The following ADGRB3 variants were observed in gnomAD, a reference collection of about 807,000 sequenced individuals.
ADGRB3 encodes the protein brain-specific angiogenesis inhibitor 3.
In ADGRB3, 37 loss-of-function variants were observed where a neutral mutation model predicts 193.4. The observed-to-expected ratio is 0.19, with a 90% confidence interval of 0.15 to 0.25. The LOEUF is 0.25. ADGRB3 is among the 10% of genes least tolerant of loss of function. The pLI, the probability that ADGRB3 is intolerant of heterozygous loss-of-function variation, is 1.00. For missense variants in ADGRB3, 1,637 were observed against 1,852.9 expected (o/e 0.88, Z 2.14); for synonymous variants, 690 against 644.2 (o/e 1.07, Z -1.08).
intron 24 of ADGRB3, among the ~76,000 whole-genome samples, chr6:69,337,277 A>G (rs777184514): frequency 3.3e-5 from 5 of 152,208 alleles, no homozygotes; most frequent in Non-Finnish European, 5.9e-5. Flanking sequence ...GTGATAAAGG[A>G]AACAATATAT....
chr6:69,383,855 C>G (rs1369953614), intron 31 of ADGRB3, among the ~76,000 whole-genome samples: 2 of 151,974 alleles, frequency 1.3e-5, no homozygotes, highest in Non-Finnish European at 2.9e-5. Context: ...ATATGGGGCT[C>G]TTTCTTTGCC....
chr6:69,177,356 T>A (rs529664386), intron 17 of ADGRB3, among the ~76,000 whole-genome samples: 334 of 152,208 alleles, frequency 2.2e-3, no homozygotes, highest in African/African-American at 7.3e-3. Context: ...AAAGATTTTT[T>A]TTTTTATTTT....
intron 3 of ADGRB3, among the ~76,000 whole-genome samples, chr6:68,926,738 G>A (rs1323014572): frequency 2.6e-5 from 4 of 151,652 alleles, no homozygotes; most frequent in South Asian, 2.1e-4. Flanking sequence ...AATAAGAAAC[G>A]GATATGTGTT....
In ADGRB3 at chr6:68,840,369, C is replaced by CTTTTTTTTTTTTTTTTTTTTTTT. The variant is rs752625602; in HGVS notation, c.758-90173_758-90151dup. Among the ~76,000 whole-genome samples the CTTTTTTTTTTTTTTTTTTTTTTT allele has an allele frequency of 2.9e-5, 2 of 69,426 alleles. 1 individual carries two copies. Among genetic ancestry groups the CTTTTTTTTTTTTTTTTTTTTTTT allele is most frequent in the Non-Finnish European group, 4.9e-5 (2 of 40,872 alleles). 45.5% of individuals were successfully genotyped at this position (69,426 alleles called of 152,430 possible). Reference sequence around the variant, plus strand: ...GCAGTGGAGTAAGGCACTGGGCAGTCTTTTTTTTTTTTTTTTTTTTTTTTT... The same window carrying CTTTTTTTTTTTTTTTTTTTTTTT: ...GCAGTGGAGTAAGGCACTGGGCAGTCTTTTTTTTTTTTTTTTTTTTTTTTTTTTTTTTTTTTTTTTTTTTTTTT... On this transcript the variant is annotated intron_variant, in intron 3 of 31. Transcript: ENST00000370598.
intron 17 of ADGRB3, among the ~76,000 whole-genome samples, chr6:69,088,019 A>G (rs1174852458): frequency 6.6e-6 from 1 of 152,220 alleles, no homozygotes; most frequent in Non-Finnish European, 1.5e-5. Context: ...TCAGGCATGC[A>G]AAACTGAACA....
At chr6:69,251,585 T>G (rs1260840253) in intron 20 of ADGRB3, among the ~76,000 whole-genome samples, 2 of 152,176 alleles carry the variant, frequency 1.3e-5, no homozygotes, top group Non-Finnish European at 2.9e-5. Flanking sequence ...ATTATAAGAA[T>G]CAAGTAGGAT....
chr6:68,669,494 T>C (rs1768889565), intron 3 of ADGRB3, among the ~76,000 whole-genome samples: 1 of 151,818 alleles, frequency 6.6e-6, no homozygotes, highest in South Asian at 2.1e-4. Context: ...GAACATGCCA[T>C]GTTTGTCTTT....
At chr6:69,295,156 C>A (rs1767783801) in intron 20 of ADGRB3, among the ~76,000 whole-genome samples, 1 of 152,132 alleles carries the variant, frequency 6.6e-6, no homozygotes, top group African/African-American at 2.4e-5. Flanking sequence ...TTTCAATTAT[C>A]CGTGTCAGTA....
chr6:69,264,011 C>A (rs1766981651), intron 20 of ADGRB3, among the ~76,000 whole-genome samples: 1 of 151,890 alleles, frequency 6.6e-6, no homozygotes, highest in Admixed American at 6.6e-5. Flanking sequence ...TAGTTTAATT[C>A]CAAAGTCCAA....
At chr6:69,366,841 A>G (rs1410700) in intron 29 of ADGRB3, among the ~76,000 whole-genome samples, 119,832 of 152,058 alleles carry the variant, frequency 0.79, 47,726 homozygotes, top group East Asian at 0.96. Context: ...TTAATCATTT[A>G]CCAATAATTT....
At chr6:69,125,541 C>G (rs1015730088) in intron 17 of ADGRB3, among the ~76,000 whole-genome samples, 28 of 152,256 alleles carry the variant, frequency 1.8e-4, no homozygotes, top group African/African-American at 6.5e-4. Flanking sequence ...TGTCTATGAA[C>G]AGCCCTTCCA....
At chr6:69,373,173 C>A (rs920964381) in intron 30 of ADGRB3, among the ~76,000 whole-genome samples, 3 of 151,954 alleles carry the variant, frequency 2.0e-5, no homozygotes, top group African/African-American at 7.2e-5. Flanking sequence ...TCATAGTCTG[C>A]TAACATAATT....
At chr6:69,030,954 T>TTTTTTCTTTTCTTTTCTTTTC (rs149824624) in intron 13 of ADGRB3, among the ~76,000 whole-genome samples, 4,112 of 24,848 alleles carry the variant, frequency 0.17, 1,082 homozygotes, top group African/African-American at 0.47. Context: ...TTTTCTTTTC[T>TTTTTTCTTTTCTTTTCTTTTC]TTTTTTCTTT....
intron 3 of ADGRB3, among the ~76,000 whole-genome samples, chr6:68,847,410 C>A (rs1768301017): frequency 6.6e-6 from 1 of 152,122 alleles, no homozygotes; most frequent in Non-Finnish European, 1.5e-5. Flanking sequence ...GTGTCCACAT[C>A]CAAATCTCAT....
rs1271844418 is a variant in ADGRB3, at chr6:68,897,838, GAGAA to G, written c.758-32712_758-32709del. On this transcript the variant is annotated intron_variant, in intron 3 of 31. Coordinates refer to ENST00000370598, the MANE Select transcript of ADGRB3 (RefSeq NM_001704.3). Reference sequence around the variant, plus strand: ...AGAAAAGGAAGGAAGGAGAGAAAAAGAGAAAGAAAGAAGAAAACAAAAGAAAAAA... The same window carrying G: ...AGAAAAGGAAGGAAGGAGAGAAAAAGAGAAAGAAGAAAACAAAAGAAAAAA... 9.7e-5 allele frequency among the ~76,000 whole-genome samples: 14 copies of G among 143,906 alleles called. No individual in the cohort carries two copies. In the East Asian group the frequency reaches 1.0e-3, roughly 10 times the overall value. The allele number at this position is 143,906 out of a possible 152,430, so 94.4% of individuals were successfully genotyped here.
At chr6:68,900,869 T>A (rs775112931) in intron 3 of ADGRB3, among the ~76,000 whole-genome samples, 1 of 152,124 alleles carries the variant, frequency 6.6e-6, no homozygotes, top group African/African-American at 2.4e-5. Context: ...TTGCCTTCCC[T>A]CCCTACAATG....
intron 17 of ADGRB3, among the ~76,000 whole-genome samples, chr6:69,121,287 G>A (rs994907757): frequency 6.6e-6 from 1 of 152,076 alleles, no homozygotes; most frequent in Non-Finnish European, 1.5e-5. Flanking sequence ...ACCCTGAGTT[G>A]ACACAGCACA....
intron 17 of ADGRB3, among the ~76,000 whole-genome samples, chr6:69,205,311 A>G (rs1345948199): frequency 1.3e-5 from 2 of 152,132 alleles, no homozygotes. Flanking sequence ...AAAGAAAGAG[A>G]ATCATCATGC....
At chr6:69,269,519 T>G (rs1031723314) in intron 20 of ADGRB3, among the ~76,000 whole-genome samples, 2 of 152,206 alleles carry the variant, frequency 1.3e-5, no homozygotes, top group African/African-American at 4.8e-5. Flanking sequence ...AATCAGAATT[T>G]GAATTGCATA....
Sources: gnomAD v4.1 joint callset for allele counts (sites outside exome capture counted in the v4.1 genomes callset) on GRCh38, gnomAD v4.1.1 for gene constraint, MANE v1.5 for transcripts, NCBI Gene and HGNC (gene_info 2026-07-23, HGNC 2026-07-21) for gene names.